EPHA6: variants seen among roughly 807,000 people sequenced by gnomAD.
EPHA6 encodes the protein ephrin type-A receptor 6.
Under a neutral mutation model 112.0 loss-of-function variants are expected in EPHA6, and 50 were observed. The ratio of observed to expected loss-of-function variants is 0.45; its 90% confidence interval spans 0.36 to 0.56. The LOEUF is 0.56. Among genes scored for constraint, EPHA6 ranks in the 20% least tolerant of loss-of-function variants. The pLI is 0.00. For missense variants in EPHA6, 1,280 were observed against 1,417.4 expected, an observed-to-expected ratio of 0.90 and a Z score of 1.56; for synonymous variants, 529 against 490.7, an observed-to-expected ratio of 1.08 and a Z score of -1.03.
At chr3:97,457,708 T>C (rs916781574) in intron 7 of EPHA6, among the ~76,000 whole-genome samples, 2 of 152,158 alleles carry the variant, frequency 1.3e-5, no homozygotes, top group South Asian at 2.1e-4. Flanking sequence ...GTCACAATAC[T>C]GAATGGACAA....
chr3:96,823,651 A>T (rs1045762009), intron 1 of EPHA6, among the ~76,000 whole-genome samples: 1 of 151,870 alleles, frequency 6.6e-6, no homozygotes, highest in Non-Finnish European at 1.5e-5. Context: ...AAAGAATTGT[A>T]TCAATTTTTG....
intron 5 of EPHA6, among the ~76,000 whole-genome samples, chr3:97,358,835 T>C (rs1478597689): frequency 6.6e-6 from 1 of 152,118 alleles, no homozygotes; most frequent in East Asian, 1.9e-4. Context: ...TATAGAAATT[T>C]TGGATGACAG....
chr3:96,822,284 AT>A (rs770633209), intron 1 of EPHA6, among the ~76,000 whole-genome samples: 8 of 152,076 alleles, frequency 5.3e-5, no homozygotes, highest in Non-Finnish European at 1.0e-4. Context: ...TGGGTTAGTT[AT>A]TAAAAACTAA....
At chr3:97,431,117 G>A (rs1287272689) in intron 6 of EPHA6, among the ~76,000 whole-genome samples, 1 of 151,700 alleles carries the variant, frequency 6.6e-6, no homozygotes, top group African/African-American at 2.4e-5. Flanking sequence ...TAAATTTCTT[G>A]GTAATTTTTT....
At chr3:97,372,655 G>C (rs2085124646) in intron 5 of EPHA6, among the ~76,000 whole-genome samples, 1 of 151,976 alleles carries the variant, frequency 6.6e-6, no homozygotes, top group African/African-American at 2.4e-5. Context: ...AGGTACATTT[G>C]GGAATTTAGA....
At position 97,736,026 on chromosome 3, in the gene EPHA6, T is replaced by C. The variant is rs1283096798; in HGVS notation, c.3036T>C (p.Asn1012=). ...TCCACTGCTGGCAGAAGGAGAGAAA[T>C]CACAGACCAAAATTTACTGACATTG... The part of the protein sequence containing the change: ...LMLHCWQKER[N]HRPKFTDIVS... The change falls in exon 16 of 18, where the codon AAT becomes AAC. Residue 1012 remains asparagine (N), a synonymous_variant. Transcript: ENST00000389672. 6.2e-7 allele frequency: 1 copy of C among 1,612,650 alleles called. No homozygotes were observed. The highest frequency in any genetic ancestry group is 1.7e-5 in the Admixed American group (1 of 59,840).
chr3:97,665,380 T>C (rs1439984795), intron 14 of EPHA6, among the ~76,000 whole-genome samples: 1 of 152,194 alleles, frequency 6.6e-6, no homozygotes, highest in Non-Finnish European at 1.5e-5. Context: ...GAAGAAAACC[T>C]AGGCAATACC....
At chr3:97,169,785 A>G (rs1404800093) in intron 3 of EPHA6, among the ~76,000 whole-genome samples, 1 of 152,122 alleles carries the variant, frequency 6.6e-6, no homozygotes, top group Non-Finnish European at 1.5e-5. Context: ...TCCCACTACT[A>G]AAAGTAAAAT....
intron 11 of EPHA6, among the ~76,000 whole-genome samples, chr3:97,555,721 T>C (rs1396055631): frequency 2.6e-5 from 4 of 152,178 alleles, no homozygotes; most frequent in Non-Finnish European, 5.9e-5. Context: ...TGCATAAGTG[T>C]CTTCTTTTGA....
intron 5 of EPHA6, among the ~76,000 whole-genome samples, chr3:97,366,207 G>A (rs552595969): frequency 6.6e-6 from 1 of 152,186 alleles, no homozygotes; most frequent in African/African-American, 2.4e-5. Flanking sequence ...TCTAAATCTA[G>A]ATATTCACAT....
At chr3:96,862,110 A>G (rs2107433492) in intron 1 of EPHA6, among the ~76,000 whole-genome samples, 1 of 152,100 alleles carries the variant, frequency 6.6e-6, no homozygotes, top group South Asian at 2.1e-4. Context: ...ACAGTATTAT[A>G]TTTAAATGGA....
At chr3:97,291,653 G>A (rs963086238) in intron 5 of EPHA6, among the ~76,000 whole-genome samples, 1 of 152,030 alleles carries the variant, frequency 6.6e-6, no homozygotes, top group Admixed American at 6.6e-5. Flanking sequence ...TTAAATTTAT[G>A]CTTTTATTTG....
In EPHA6 at chr3:97,074,554, G is replaced by A. The variant is rs182427033; in HGVS notation, c.1114+86561G>A. On this transcript the variant is annotated intron_variant, in intron 3 of 17. Transcript: ENST00000389672. ...TGAGATATTTTTGTTCTTTTCTGTCGTTACTTTTAATGCACCAAAGATTCT... is the reference window on the plus strand; with the variant it reads ...TGAGATATTTTTGTTCTTTTCTGTCATTACTTTTAATGCACCAAAGATTCT... 2.0e-4 allele frequency among the ~76,000 whole-genome samples: 31 copies of A among 151,590 alleles called. No homozygotes were observed. In the East Asian group the frequency reaches 3.1e-3, roughly 15 times the overall value.
intron 14 of EPHA6, among the ~76,000 whole-genome samples, chr3:97,665,474 C>T (rs531894333): frequency 5.9e-5 from 9 of 152,178 alleles, no homozygotes; most frequent in African/African-American, 1.4e-4. Context: ...ATTGATAAGG[C>T]AACAACAACA....
intron 11 of EPHA6, among the ~76,000 whole-genome samples, chr3:97,534,127 T>A (rs2092728888): frequency 6.6e-6 from 1 of 152,156 alleles, no homozygotes; most frequent in South Asian, 2.1e-4. Context: ...TTACTTAACA[T>A]CTGTATCCTT....
At chr3:96,963,243 G>A (rs187524746) in intron 2 of EPHA6, among the ~76,000 whole-genome samples, 2 of 151,364 alleles carry the variant, frequency 1.3e-5, no homozygotes, top group Admixed American at 6.6e-5. Flanking sequence ...TAAAAACTAG[G>A]CAAAGAAAAC....
chr3:97,230,880 G>T (rs1027173005), intron 4 of EPHA6, among the ~76,000 whole-genome samples: 2 of 152,104 alleles, frequency 1.3e-5, no homozygotes, highest in Non-Finnish European at 2.9e-5. Flanking sequence ...CTTCTTCATG[G>T]ATAAGAGTTT....
At chr3:97,709,158 A>G (rs1160048922) in intron 14 of EPHA6, among the ~76,000 whole-genome samples, 1 of 146,954 alleles carries the variant, frequency 6.8e-6, no homozygotes, top group East Asian at 2.0e-4. Flanking sequence ...TGCAAGTCAA[A>G]AAAAAAAAAA....
At chr3:96,898,752 G>A (rs1371743861) in intron 2 of EPHA6, among the ~76,000 whole-genome samples, 1 of 151,982 alleles carries the variant, frequency 6.6e-6, no homozygotes, top group Non-Finnish European at 1.5e-5. Flanking sequence ...GAATTTGGCC[G>A]GGCGCGGTGG....
Sources: allele counts gnomAD v4.1 joint callset (sites outside exome capture counted in the v4.1 genomes callset), GRCh38; gene constraint gnomAD v4.1.1; transcripts MANE v1.5; gene names NCBI Gene and HGNC (gene_info 2026-07-23, HGNC 2026-07-21).